The following PLA2R1 variants were observed in gnomAD, a reference collection of about 807,000 sequenced individuals.
PLA2R1 encodes the protein phospholipase A2 receptor 1.
A neutral mutation model predicts 195.9 loss-of-function variants in PLA2R1; 158 were observed. The observed-to-expected ratio is 0.81, with a 90% CI of 0.71 to 0.92. The LOEUF (loss-of-function observed/expected upper bound fraction) is 0.92. Ranked by LOEUF, PLA2R1 falls within the 40% of genes least tolerant of loss-of-function variation. PLA2R1 has a pLI of 0.00. For missense variants in PLA2R1, 1,626 were observed against 1,764.6 expected (o/e 0.92, Z 1.41); for synonymous variants, 586 against 598.2 (o/e 0.98, Z 0.30).
rs551146681 is a variant in PLA2R1 at position 159,975,540 on chromosome 2, G to T, written c.2595+528C>A. On this transcript the variant is annotated intron_variant, in intron 17 of 29. Coordinates refer to ENST00000283243, the MANE Select transcript of PLA2R1 (RefSeq NM_007366.5). The stretch of plus-strand genomic sequence containing the variant: ...ACTTAAAAATAATGTACTCTTGTAA[G>T]ATTTGAAAGTTTAAAACTGCCAGGC... Among the ~76,000 whole-genome samples the T allele has an allele frequency of 3.9e-3, 595 of 152,164 alleles. 3 individuals are homozygous for T. The highest frequency in any genetic ancestry group is 6.3e-3 in the Non-Finnish European group (425 of 67,996).
In PLA2R1 at chr2:160,032,987, T is replaced by C. The variant is rs1250123857; in HGVS notation, c.813A>G (p.Thr271=). 2 of 1,612,930 alleles carry C rather than the reference T, an allele frequency of 1.2e-6. No individual in the cohort carries two copies. The highest frequency in any genetic ancestry group is 1.7e-6 in the Non-Finnish European group (2 of 1,179,422). The change falls in exon 4 of 30, where the codon ACA becomes ACG. Residue 271 remains threonine (T), a synonymous_variant. Transcript: ENST00000283243. Reference sequence around the variant, plus strand: ...TTATGAAATTTTCTTCAGTTTCATCTGTAATACTTAACAGCGTACCTCCTT... The same window carrying C: ...TTATGAAATTTTCTTCAGTTTCATCCGTAATACTTAACAGCGTACCTCCTT... ...QMQGGTLLSI[T]DETEENFIRE...
At chr2:160,002,001 T>C (rs1253245701) in intron 11 of PLA2R1, among the ~76,000 whole-genome samples, 1 of 151,324 alleles carries the variant, frequency 6.6e-6, no homozygotes, top group African/African-American at 2.4e-5. Context: ...AAGCAGAATA[T>C]ACAATCTTTT....
intron 8 of PLA2R1, 135 bp downstream of exon 8, chr2:160,019,971 G>A (rs1030572662): frequency 3.4e-6 from 2 of 580,026 alleles, no homozygotes. Context: ...GTACTTGTTT[G>A]CTCTCTAACA....
chr2:160,059,421 C>T (rs16844720), intron 1 of PLA2R1, among the ~76,000 whole-genome samples: 2,092 of 152,182 alleles, frequency 0.014, 56 homozygotes, highest in East Asian at 0.1. Context: ...GAAGAGGGTG[C>T]CATGGTGAGA....
chr2:159,976,574 A>G (rs1426608715), intron 16 of PLA2R1, 111 bp downstream of exon 16: 4 of 728,958 alleles, frequency 5.5e-6, no homozygotes. Context: ...TTGACACAAG[A>G]AAAGAGAGGC....
chr2:160,036,073 A>C (rs1694147146), intron 3 of PLA2R1, among the ~76,000 whole-genome samples: 1 of 152,120 alleles, frequency 6.6e-6, no homozygotes, highest in South Asian at 2.1e-4. Context: ...GGAGGCCTTA[A>C]GACTTGGCCC....
chr2:160,015,393 C>G (rs1393801768), intron 9 of PLA2R1, among the ~76,000 whole-genome samples: 1 of 152,154 alleles, frequency 6.6e-6, no homozygotes, highest in Non-Finnish European at 1.5e-5. Flanking sequence ...TAGACTGATG[C>G]ATAATAAAAT....
chr2:159,962,437 G>C (rs1052614128), intron 20 of PLA2R1, among the ~76,000 whole-genome samples: 3 of 152,162 alleles, frequency 2.0e-5, no homozygotes, highest in Non-Finnish European at 2.9e-5. Flanking sequence ...CTGTTGGTGG[G>C]AGTGTAAATT....
chr2:159,948,372 C>A (rs1687519346), intron 25 of PLA2R1, among the ~76,000 whole-genome samples: 1 of 151,850 alleles, frequency 6.6e-6, no homozygotes, highest in African/African-American at 2.4e-5. Flanking sequence ...GTAGCTAGGA[C>A]TATAGGCACG....
chr2:159,973,849 G>C (rs957491286), intron 17 of PLA2R1, among the ~76,000 whole-genome samples: 1 of 152,172 alleles, frequency 6.6e-6, no homozygotes, highest in East Asian at 1.9e-4. Context: ...TCATAGGCCA[G>C]GTGACAATTT....
chr2:159,974,944 T>A lies in PLA2R1; in HGVS notation c.2595+1124A>T, dbSNP rs117295161. Among the ~76,000 whole-genome samples, 4 of 152,314 alleles carry A rather than the reference T, an allele frequency of 2.6e-5. No homozygotes were observed. The East Asian group carries it at 7.7e-4, about 29-fold the overall frequency. On this transcript the variant is annotated intron_variant, in intron 17 of 29. Transcript: ENST00000283243. ...TAGGATGCTTTAATACAGGGCTTCA[T>A]TTTATAGTCAACTTACAGAGATATA... is the stretch of plus-strand genomic sequence containing the variant.
At chr2:159,947,360 T>G (rs1687452459) in intron 26 of PLA2R1, 59 bp downstream of exon 26, 2 of 1,430,568 alleles carry the variant, frequency 1.4e-6, no homozygotes, top group Non-Finnish European at 1.9e-6. Context: ...TCCACATTGT[T>G]TACTGAAATG....
In PLA2R1 at chr2:160,016,798, G is replaced by C. The variant is rs942735861; in HGVS notation, c.1453-86C>G. On this transcript the variant is annotated intron_variant, in intron 8 of 29. Coordinates refer to ENST00000283243, the MANE Select transcript of PLA2R1 (RefSeq NM_007366.5). ...GCAATTCTTATAAAAAAAATATGATGAATAATGTGCTCCCGCGTGGGATAA... is the reference window on the plus strand; with the variant it reads ...GCAATTCTTATAAAAAAAATATGATCAATAATGTGCTCCCGCGTGGGATAA... 17 of 700,334 alleles carry C rather than the reference G, an allele frequency of 2.4e-5. No individual in the cohort carries two copies. The African/African-American group carries it at 2.7e-4, about 11-fold the overall frequency. The allele number at this position is 700,334 out of a possible 1,614,324, so 43.4% of individuals were successfully genotyped here.
intron 9 of PLA2R1, among the ~76,000 whole-genome samples, chr2:160,013,739 GTGTGTGTGTGTGTC>G (rs879635112): frequency 0.027 from 3,935 of 148,258 alleles, 68 homozygotes; most frequent in Non-Finnish European, 0.043. Flanking sequence ...GTGTGTGTGT[GTGTGTGTGTGTGTC>G]TCTCTCTCTC....
chr2:160,044,594 T>C (rs887081837), intron 2 of PLA2R1, among the ~76,000 whole-genome samples, 180 bp downstream of exon 2: 3 of 152,190 alleles, frequency 2.0e-5, no homozygotes, highest in African/African-American at 7.2e-5. Context: ...AGTATGTCCA[T>C]TCTGAGACTC....
chr2:159,970,040 T>G (rs988332647), intron 18 of PLA2R1, 108 bp downstream of exon 18: 3 of 683,274 alleles, frequency 4.4e-6, no homozygotes, highest in Non-Finnish European at 7.5e-6. Flanking sequence ...AATTTATAAG[T>G]TAATGTTTGA....
At chr2:160,034,570 T>C (rs889290883) in intron 3 of PLA2R1, among the ~76,000 whole-genome samples, 1 of 152,206 alleles carries the variant, frequency 6.6e-6, no homozygotes, top group African/African-American at 2.4e-5. Flanking sequence ...AGTTCAGCCA[T>C]ACTCATCCAC....
the PLA2R1 span, among the ~76,000 whole-genome samples, chr2:159,925,032 T>C: frequency 6.6e-6 from 1 of 152,192 alleles, no homozygotes; most frequent in Non-Finnish European, 1.5e-5. Flanking sequence ...CACTTTGATA[T>C]GTGATTTTCA....
chr2:159,987,072 C>T, intron 12 of PLA2R1, 84 bp downstream of exon 12: 1 of 1,106,946 alleles, frequency 9.0e-7, no homozygotes, highest in Non-Finnish European at 1.4e-6. Context: ...AAAAAGGGCC[C>T]CGGAATAAAG....
Sources: allele counts gnomAD v4.1 joint callset (sites outside exome capture counted in the v4.1 genomes callset), GRCh38; gene constraint gnomAD v4.1.1; transcripts MANE v1.5; gene names NCBI Gene and HGNC (gene_info 2026-07-23, HGNC 2026-07-21).